ABCA3: variants seen among roughly 807,000 people sequenced by gnomAD.
ABCA3 encodes phospholipid-transporting ATPase ABCA3.
A neutral mutation model predicts 172.8 loss-of-function variants in ABCA3; 88 were observed. The observed-to-expected ratio is 0.51, with a 90% CI of 0.43 to 0.61. ABCA3 has a LOEUF of 0.61. Among genes scored for constraint, ABCA3 ranks in the 20% least tolerant of loss-of-function variants. The pLI, the probability that ABCA3 is intolerant of heterozygous loss-of-function variation, is 0.00. For missense variants in ABCA3, 2,164 were observed against 2,301.0 expected (o/e 0.94, Z 1.22); for synonymous variants, 1,066 against 983.8 (o/e 1.08, Z -1.56).
chr16:2,314,541 T>C (rs2093711783), intron 10 of ABCA3, among the ~76,000 whole-genome samples: 1 of 151,070 alleles, frequency 6.6e-6, no homozygotes, highest in South Asian at 2.1e-4. Flanking sequence ...TGGGGGTGGG[T>C]GCACAACGAT....
In ABCA3 at chr16:2,276,809, T is replaced by C. The variant is rs773374947; in HGVS notation, c.4984-4A>G. 18 of 1,613,542 alleles carry C rather than the reference T, an allele frequency of 1.1e-5. No homozygotes were observed. In the African/African-American group the frequency reaches 2.1e-4, roughly 19 times the overall value. ...CTTTCTCCAGAATACCGAAAACCTT[T>C]GGGGAGCAGAAAAGTCACTGGTAGG... On this transcript the variant is annotated splice_region_variant and splice_polypyrimidine_tract_variant and intron_variant, in intron 32 of 32. Coordinates refer to ENST00000301732, the MANE Select transcript of ABCA3 (RefSeq NM_001089.3).
At chr16:2,318,605 C>T (rs1279987440) in intron 8 of ABCA3, among the ~76,000 whole-genome samples, 7 of 151,898 alleles carry the variant, frequency 4.6e-5, no homozygotes, top group East Asian at 1.9e-4. Context: ...CTCCACCTCC[C>T]GGGTTCAAGA....
At chr16:2,327,116 T>A (rs900775895) in intron 3 of ABCA3, among the ~76,000 whole-genome samples, 9 of 152,074 alleles carry the variant, frequency 5.9e-5, no homozygotes, top group East Asian at 1.9e-4. Context: ...GTTTTTAAAA[T>A]TTTTTTTGTT....
chr16:2,297,359 C>T lies in ABCA3; in HGVS notation c.2233G>A (p.Gly745Arg). Residue 745 changes from glycine to arginine, a missense_variant, in exon 17 of 33, where the codon GGG becomes AGG. Coordinates refer to ENST00000301732, the MANE Select transcript of ABCA3 (RefSeq NM_001089.3). The surrounding 1 kb of genome is among the most constrained non-coding windows in gnomAD (Gnocchi z 5.6). Reference sequence around the variant, plus strand: ...TTCTGCTTGAGGAACAGCGAGGACCCGCAGCACTGCAGCTCCCCCTTGGCC... The same window carrying T: ...TTCTGCTTGAGGAACAGCGAGGACCTGCAGCACTGCAGCTCCCCCTTGGCC... ...IMAKGELQCC[G>R]SSLFLKQKYG... The T allele has an allele frequency of 3.7e-6, 6 of 1,612,608 alleles. No homozygotes were observed. The highest frequency in any genetic ancestry group is 1.1e-5 in the South Asian group (1 of 91,034).
At chr16:2,330,283 T>G (rs1235642665) in intron 1 of ABCA3, among the ~76,000 whole-genome samples, 5 of 130,756 alleles carry the variant, frequency 3.8e-5, no homozygotes, top group Non-Finnish European at 7.8e-5. Flanking sequence ...GAGATGACCC[T>G]GTCTCAAAAA....
At position 2,287,062 on chromosome 16, in the gene ABCA3, T is replaced by G; in HGVS notation, c.3005-95A>C. On this transcript the variant is annotated intron_variant, in intron 21 of 32. Coordinates refer to ENST00000301732, the MANE Select transcript of ABCA3 (RefSeq NM_001089.3). This position sits in a 1 kb window ranked among gnomAD's most constrained non-coding sequence, Gnocchi z 4.1. ...ATGGCTAATCAGGGACCCAATAGAG[T>G]GGTGCCAGCATCCTCTGAGCTGCCC... is the stretch of plus-strand genomic sequence containing the variant. 4.2e-6 allele frequency: 6 copies of G among 1,419,156 alleles called. No homozygotes were observed. The highest frequency in any genetic ancestry group is 2.1e-4 in the Middle Eastern group (1 of 4,858). 87.9% of individuals were successfully genotyped at this position (1,419,156 alleles called of 1,614,324 possible). A position where few individuals can be genotyped will look rare whatever the true frequency, so the allele number is the denominator to read the frequency against.
At chr16:2,321,194 C>G (rs1335734215) in intron 7 of ABCA3, among the ~76,000 whole-genome samples, 1 of 152,168 alleles carries the variant, frequency 6.6e-6, no homozygotes, top group African/African-American at 2.4e-5. Flanking sequence ...TCCTGCAGTC[C>G]CCTGCTGCAG....
rs547926208 is a variant in ABCA3, at chr16:2,287,844, C to G, written c.3004+182G>C. ...AGGGGACATCCGCAATGTTTCCAGG[C>G]ATGTTTGATGGTCATGATGGGGTGG... On this transcript the variant is annotated intron_variant, in intron 21 of 32. Transcript: ENST00000301732. The surrounding 1 kb of genome is among the most constrained non-coding windows in gnomAD (Gnocchi z 4.1). 6.6e-4 allele frequency among the ~76,000 whole-genome samples: 101 copies of G among 152,316 alleles called. 3 individuals carry two copies. In the South Asian group the frequency reaches 0.02, roughly 30 times the overall value.
chr16:2,278,670 G>A lies in ABCA3; in HGVS notation c.4548-212C>T, dbSNP rs568630449. Among the ~76,000 whole-genome samples, 7 of 152,314 alleles carry A rather than the reference G, an allele frequency of 4.6e-5. No individual in the cohort carries two copies. The highest frequency in any genetic ancestry group is 1.3e-4 in the Admixed American group (2 of 15,308). ...GGCTGTTCCCAGGGGCCCGGTGCAC[G>A]CACCTACATGGGAAGACATCTGCCT... On this transcript the variant is annotated intron_variant, in intron 29 of 32. Transcript: ENST00000301732. The surrounding 1 kb of genome is among the most constrained non-coding windows in gnomAD (Gnocchi z 4.4).
At chr16:2,328,372 TAA>T (rs1056436783) in intron 3 of ABCA3, 79 bp downstream of exon 3, 13 of 396,358 alleles carry the variant, frequency 3.3e-5, no homozygotes, top group Non-Finnish European at 6.6e-5. Flanking sequence ...TCTATACAAA[TAA>T]AGTAAGAAAA....
rs17793934 is a variant in ABCA3 at position 2,286,292 on chromosome 16, C to T, written c.3278+402G>A. Among the ~76,000 whole-genome samples, 642 of 152,320 alleles carry T rather than the reference C, an allele frequency of 4.2e-3. 6 individuals carry two copies. The highest frequency in any genetic ancestry group is 5.0e-3 in the Non-Finnish European group (340 of 68,012). Reference sequence around the variant, plus strand: ...TGGCAGGCTCCCGACGTGCGGCCATCTGAGGAACAGGGACGGCAGTTCTTG... The same window carrying T: ...TGGCAGGCTCCCGACGTGCGGCCATTTGAGGAACAGGGACGGCAGTTCTTG... On this transcript the variant is annotated intron_variant, in intron 22 of 32. Transcript: ENST00000301732. The surrounding 1 kb of genome is among the most constrained non-coding windows in gnomAD (Gnocchi z 5.2).
intron 19 of ABCA3, among the ~76,000 whole-genome samples, chr16:2,291,936 G>T (rs1002506316): frequency 2.0e-5 from 3 of 152,130 alleles, no homozygotes; most frequent in Admixed American, 6.5e-5. Context: ...AGCTGGGTGT[G>T]GTGGCACATG....
In ABCA3 at chr16:2,295,873, A is replaced by C. The variant is rs1596841781; in HGVS notation, c.2264-133T>G. The C allele has an allele frequency of 4.9e-6, 6 of 1,227,764 alleles. No homozygotes were observed. In the East Asian group the frequency reaches 1.5e-4, roughly 30 times the overall value. 76.1% of individuals were successfully genotyped at this position (1,227,764 alleles called of 1,614,324 possible). A position where few individuals can be genotyped will look rare whatever the true frequency, so the allele number is the denominator to read the frequency against. On this transcript the variant is annotated intron_variant, in intron 17 of 32. Coordinates refer to ENST00000301732, the MANE Select transcript of ABCA3 (RefSeq NM_001089.3). ...TAGAGAACCGGAGGTGGGCAGCTGA[A>C]GCAGAATGAATGTGTCTTGGAGCTC... is the stretch of plus-strand genomic sequence containing the variant.
chr16:2,314,050 C>G (rs323069), intron 10 of ABCA3, among the ~76,000 whole-genome samples: 44,380 of 151,966 alleles, frequency 0.29, 6,712 homozygotes, highest in East Asian at 0.41. Context: ...GGAATGCGCA[C>G]CGGTGCAGAC....
At position 2,293,120 on chromosome 16, in the gene ABCA3, C is replaced by T. The variant is rs367796214; in HGVS notation, c.2415-882G>A. 3.0e-4 allele frequency among the ~76,000 whole-genome samples: 46 copies of T among 151,260 alleles called. 1 individual carries two copies. The East Asian group carries it at 8.0e-3, about 26-fold the overall frequency. On this transcript the variant is annotated intron_variant, in intron 18 of 32. Transcript: ENST00000301732. ...AGGCTGCAGTGCAGTGGCACAGTCTCGGCTCACTGCAAGCTCCGCCTCCCA... is the reference window on the plus strand; with the variant it reads ...AGGCTGCAGTGCAGTGGCACAGTCTTGGCTCACTGCAAGCTCCGCCTCCCA...
intron 28 of ABCA3, 143 bp downstream of exon 28, chr16:2,280,884 C>T: frequency 9.2e-7 from 1 of 1,091,174 alleles, no homozygotes; most frequent in South Asian, 1.4e-5. Context: ...CCTTGTCTCG[C>T]TGTCCAGAGG....
chr16:2,328,403 C>A, intron 3 of ABCA3, 50 bp downstream of exon 3: 1 of 441,462 alleles, frequency 2.3e-6, no homozygotes, highest in Non-Finnish European at 4.6e-6. Context: ...AGACACTGAA[C>A]CCAGAGTTAA....
rs201575440 is a variant in ABCA3 at position 2,324,481 on chromosome 16, T to C, written c.370A>G (p.Asn124Asp). The C allele has an allele frequency of 1.2e-5, 20 of 1,610,538 alleles. No homozygotes were observed. The highest frequency in any genetic ancestry group is 3.4e-6 in the Non-Finnish European group (4 of 1,179,902). The part of the protein sequence containing the change: ...KDFEDYIRYD[N>D]CSSSVLAAVV... The stretch of plus-strand genomic sequence containing the variant: ...GCGGCCAGCACGCTGGACGAGCAGT[T>C]GTCGTACCTAATGTAGTCCTCAAAG... The change falls in exon 6 of 33, where the codon AAC becomes GAC. Residue 124 changes from asparagine (N) to aspartate (D), a missense_variant. By Grantham distance (23) the Asn-to-Asp change is conservative (BLOSUM62 1). Coordinates refer to ENST00000301732, the MANE Select transcript of ABCA3 (RefSeq NM_001089.3).
chr16:2,339,585 G>A (rs1236156574), intron 1 of ABCA3, among the ~76,000 whole-genome samples: 1 of 152,194 alleles, frequency 6.6e-6, no homozygotes, highest in Non-Finnish European at 1.5e-5. Context: ...GGATGCCCAG[G>A]AGAAGAGTGA....
Sources: allele counts gnomAD v4.1 joint callset (sites outside exome capture counted in the v4.1 genomes callset), GRCh38; gene constraint gnomAD v4.1.1; non-coding constraint Gnocchi (gnomAD v3.1); transcripts MANE v1.5; gene names NCBI Gene and HGNC (gene_info 2026-07-23, HGNC 2026-07-21).